The following ENKUR variants were observed in gnomAD, a reference collection of about 807,000 sequenced individuals.
The protein encoded by ENKUR is enkurin, TRPC channel interacting protein, also known as enkurin.
Under a neutral mutation model 27.6 loss-of-function variants are expected in ENKUR, and 19 were observed. That is an observed-to-expected ratio of 0.69 (90% CI 0.48 to 1.01). The LOEUF is 1.01. Ranked by LOEUF, ENKUR falls within the 50% of genes least tolerant of loss-of-function variation. The probability of loss-of-function intolerance (pLI) is 0.00; values close to 1 mark genes in which losing one functional copy is unlikely to be tolerated. For synonymous variants in ENKUR, 117 were observed against 96.9 expected, an observed-to-expected ratio of 1.21 and a Z score of -1.22; for missense variants, 312 against 310.5, an observed-to-expected ratio of 1.00 and a Z score of -0.04.
intron 2 of ENKUR, among the ~76,000 whole-genome samples, chr10:25,029,627 G>A (rs1315566614): frequency 6.6e-6 from 1 of 152,104 alleles, no homozygotes; most frequent in Non-Finnish European, 1.5e-5. Flanking sequence ...CCAGGAAAAT[G>A]AATACAATCT....
At chr10:25,047,619 G>T (rs997349370) in intron 2 of ENKUR, among the ~76,000 whole-genome samples, 3 of 152,278 alleles carry the variant, frequency 2.0e-5, no homozygotes, top group East Asian at 3.9e-4. Flanking sequence ...ATAGTTTTAT[G>T]AATAAGGTAG....
chr10:25,004,835 C>T lies in ENKUR; in HGVS notation c.78-5289G>A, dbSNP rs144523190. 3.4e-4 allele frequency among the ~76,000 whole-genome samples: 52 copies of T among 152,192 alleles called. 1 individual carries two copies. The East Asian group carries it at 8.1e-3, about 24-fold the overall frequency. On this transcript the variant is annotated intron_variant, in intron 1 of 5. Transcript: ENST00000331161. ...GCATCTTCATCATTAAATCTTTGCC[C>T]GTGCCTATGTCCTGAATGGTATTGC...
In ENKUR at chr10:25,041,935, G is replaced by A. The variant is rs139346602; in HGVS notation, c.37+19177C>T. On this transcript the variant is annotated intron_variant, in intron 2 of 5. Transcript: ENST00000615958. ...CAAACTAAATGAAACTTGTGATCCC[G>A]AATTGAACCCTGGACCAGACATTAG... 2.0e-3 allele frequency among the ~76,000 whole-genome samples: 297 copies of A among 152,188 alleles called. 5 individuals carry two copies. The highest frequency in any genetic ancestry group is 6.8e-3 in the Middle Eastern group (2 of 294).
At chr10:25,017,027 C>A (rs111832741), upstream of ENKUR, among the ~76,000 whole-genome samples, 1 of 152,180 alleles carries the variant, frequency 6.6e-6, no homozygotes, top group African/African-American at 2.4e-5. Flanking sequence ...CGCCCTCCCG[C>A]CCCTGCTCCC....
rs1850563543 is a variant in ENKUR, at chr10:25,016,087, C to A, written c.-151G>T. 1 of 1,349,014 alleles carries A rather than the reference C, an allele frequency of 7.4e-7. No homozygotes were observed. The allele number at this position is 1,349,014 out of a possible 1,614,324, so 83.6% of individuals were successfully genotyped here. ...CTCCTTCACATCGTCCCCCTTTAAC[C>A]CCCTCTTAGCAGTCCTCTCTCGGGA... On this transcript the variant is annotated 5_prime_UTR_variant, in exon 1 of 6. Coordinates refer to ENST00000331161, the MANE Select transcript of ENKUR (RefSeq NM_145010.4).
chr10:25,032,247 C>G (rs1850942755), intron 2 of ENKUR, among the ~76,000 whole-genome samples: 1 of 150,064 alleles, frequency 6.7e-6, no homozygotes, highest in Admixed American at 6.6e-5. Flanking sequence ...ATCTGTAGGA[C>G]TTTTCTTTTA....
intron 1 of ENKUR, among the ~76,000 whole-genome samples, chr10:25,001,884 T>G (rs540592214): frequency 1.3e-5 from 2 of 152,350 alleles, no homozygotes; most frequent in East Asian, 3.9e-4. Flanking sequence ...GCATTATATT[T>G]TCCTGCTTCT....
At chr10:25,058,925 C>T (rs1432060191) in intron 2 of ENKUR, among the ~76,000 whole-genome samples, 1 of 110,270 alleles carries the variant, frequency 9.1e-6, no homozygotes, top group Non-Finnish European at 1.7e-5. Flanking sequence ...AGTGAGACTC[C>T]ATCTTAAAAA....
rs147332943 is a variant in ENKUR at position 25,028,627 on chromosome 10, T to G, written c.37+32485A>C. 2.7e-3 allele frequency among the ~76,000 whole-genome samples: 412 copies of G among 152,310 alleles called. 1 individual carries two copies. Among genetic ancestry groups the G allele is most frequent in the South Asian group, 7.7e-3 (37 of 4,830 alleles). On this transcript the variant is annotated intron_variant, in intron 2 of 5. Coordinates refer to the ENKUR transcript ENST00000615958. The stretch of plus-strand genomic sequence containing the variant: ...CATCCACCTTTTTCCCATCTGTGCT[T>G]CTTTATTCTCCAATCAAGATAAAGC...
At chr10:25,047,029 G>A (rs758414059) in intron 2 of ENKUR, among the ~76,000 whole-genome samples, 37 of 152,112 alleles carry the variant, frequency 2.4e-4, no homozygotes, top group Non-Finnish European at 5.1e-4. Flanking sequence ...GCTTTTCACC[G>A]AATAAAATTA....
chr10:25,043,140 A>G (rs911861298), intron 2 of ENKUR, among the ~76,000 whole-genome samples: 3 of 152,196 alleles, frequency 2.0e-5, no homozygotes, highest in African/African-American at 7.2e-5. Context: ...GAAAAGGAAT[A>G]TAATTCCACC....
chr10:25,038,794 A>G lies in ENKUR; in HGVS notation c.37+22318T>C, dbSNP rs767997385. 7.5e-4 allele frequency among the ~76,000 whole-genome samples: 114 copies of G among 152,344 alleles called. 1 individual carries two copies. The highest frequency in any genetic ancestry group is 4.6e-4 in the Admixed American group (7 of 15,290). On this transcript the variant is annotated intron_variant, in intron 2 of 5. Coordinates refer to the ENKUR transcript ENST00000615958. Reference sequence around the variant, plus strand: ...TGGGAGAATATGATTTTAAATGCATACTATGTTTTTAAATGAATGGTAAAA... The same window carrying G: ...TGGGAGAATATGATTTTAAATGCATGCTATGTTTTTAAATGAATGGTAAAA...
chr10:25,000,238 C>T (rs146652495), intron 1 of ENKUR, among the ~76,000 whole-genome samples: 189 of 152,198 alleles, frequency 1.2e-3, no homozygotes, highest in African/African-American at 4.4e-3. Flanking sequence ...TTTTATGGCA[C>T]AAAGTATGTT....
At chr10:24,999,916 C>G (rs1353977441) in intron 1 of ENKUR, among the ~76,000 whole-genome samples, 9 of 152,088 alleles carry the variant, frequency 5.9e-5, no homozygotes, top group Admixed American at 5.9e-4. Context: ...CTTATAGAAC[C>G]AGAATTTCAT....
chr10:25,047,927 T>C (rs57642444), intron 2 of ENKUR, among the ~76,000 whole-genome samples: 4,203 of 152,324 alleles, frequency 0.028, 130 homozygotes, highest in African/African-American at 0.074. Context: ...GGTCACTTGG[T>C]CACAATTTTT....
At chr10:25,028,433 A>T (rs1361196258) in intron 2 of ENKUR, among the ~76,000 whole-genome samples, 1 of 152,126 alleles carries the variant, frequency 6.6e-6, no homozygotes, top group Non-Finnish European at 1.5e-5. Context: ...TTTAAAGGCC[A>T]GTCTCTTTAG....
chr10:25,044,633 G>A (rs1360149311), intron 2 of ENKUR, among the ~76,000 whole-genome samples: 2 of 152,172 alleles, frequency 1.3e-5, no homozygotes, highest in Non-Finnish European at 1.5e-5. Context: ...CTGGCCTCAA[G>A]CAATCCTTCT....
At chr10:25,024,665 T>A (rs118080271) in intron 2 of ENKUR, 1 of 1,614,224 alleles carries the variant, frequency 6.2e-7, no homozygotes, top group Non-Finnish European at 8.5e-7. Context: ...CCGCAGGTAG[T>A]TTATCATGCT....
intron 2 of ENKUR, among the ~76,000 whole-genome samples, chr10:25,030,843 G>T (rs1411921801): frequency 6.6e-6 from 1 of 152,176 alleles, no homozygotes; most frequent in Non-Finnish European, 1.5e-5. Flanking sequence ...GCTTGGCCAG[G>T]TGAGGTGACT....
Sources: allele counts gnomAD v4.1 joint callset (sites outside exome capture counted in the v4.1 genomes callset), GRCh38; gene constraint gnomAD v4.1.1; transcripts MANE v1.5; gene names NCBI Gene and HGNC (gene_info 2026-07-23, HGNC 2026-07-21).